CCDC178: variants seen among roughly 807,000 people sequenced by gnomAD.
CCDC178 encodes the protein coiled-coil domain containing 178, also known as coiled-coil domain-containing protein 178.
CCDC178 carries 126 observed loss-of-function variants against 117.4 expected under a neutral mutation model. That is an observed-to-expected ratio of 1.07 (90% CI 0.93 to 1.24). CCDC178 has a LOEUF of 1.24. Ranked by LOEUF, CCDC178 falls within the 50% of genes most tolerant of loss-of-function variation. The pLI, the probability that CCDC178 is intolerant of heterozygous loss-of-function variation, is 0.00. For synonymous variants in CCDC178, 283 were observed against 313.4 expected (o/e 0.90, Z 1.02); for missense variants, 1,030 against 986.9 (o/e 1.04, Z -0.59).
At chr18:33,389,264 C>T (rs1027891904) in intron 5 of CCDC178, among the ~76,000 whole-genome samples, 2 of 152,046 alleles carry the variant, frequency 1.3e-5, no homozygotes, top group African/African-American at 4.8e-5. Flanking sequence ...CTATCTAGAA[C>T]AGGCCAGTCA....
chr18:33,200,529 G>A (rs924456634), intron 20 of CCDC178, among the ~76,000 whole-genome samples: 1 of 152,108 alleles, frequency 6.6e-6, no homozygotes, highest in Non-Finnish European at 1.5e-5. Flanking sequence ...CCTCTATGTA[G>A]GACCTTTCTC....
At chr18:33,095,540 C>A (rs992633176) in intron 20 of CCDC178, among the ~76,000 whole-genome samples, 19 of 151,870 alleles carry the variant, frequency 1.3e-4, no homozygotes, top group African/African-American at 3.9e-4. Flanking sequence ...ATTTTGTTCG[C>A]CCTAAGAGAT....
intron 21 of CCDC178, among the ~76,000 whole-genome samples, chr18:33,054,440 G>C (rs565408842): frequency 5.9e-5 from 9 of 152,176 alleles, no homozygotes; most frequent in South Asian, 2.1e-4. Context: ...TACCCCAACA[G>C]GCTGCACTGT....
At chr18:33,415,096 G>A (rs888547461) in intron 2 of CCDC178, among the ~76,000 whole-genome samples, 7 of 152,242 alleles carry the variant, frequency 4.6e-5, no homozygotes, top group Admixed American at 3.9e-4. Flanking sequence ...CTTTTACACT[G>A]TTGGTGGGAC....
intron 6 of CCDC178, among the ~76,000 whole-genome samples, chr18:33,362,336 A>G (rs2063141847): frequency 6.6e-6 from 1 of 151,824 alleles, no homozygotes; most frequent in African/African-American, 2.4e-5. Context: ...TACATGTGGA[A>G]TATATTTTTT....
chr18:33,091,512 T>A (rs1174047466), intron 21 of CCDC178, among the ~76,000 whole-genome samples: 2 of 151,790 alleles, frequency 1.3e-5, no homozygotes, highest in Non-Finnish European at 2.9e-5. Flanking sequence ...AATTTTTGTA[T>A]TTTTAGTGGA....
intron 5 of CCDC178, among the ~76,000 whole-genome samples, 157 bp from the exon 6 acceptor site, chr18:33,370,346 C>G (rs753625672): frequency 1.2e-4 from 18 of 151,960 alleles, no homozygotes; most frequent in Non-Finnish European, 2.5e-4. Context: ...TAGAACAAAT[C>G]TTTAAAAAAC....
At chr18:33,242,869 G>A (rs1266856850) in intron 15 of CCDC178, among the ~76,000 whole-genome samples, 1 of 151,780 alleles carries the variant, frequency 6.6e-6, no homozygotes, top group Non-Finnish European at 1.5e-5. Flanking sequence ...ACTGCAAATA[G>A]GAGTACTGTA....
At chr18:33,323,977 C>T (rs1468672074) in intron 10 of CCDC178, among the ~76,000 whole-genome samples, 2 of 151,778 alleles carry the variant, frequency 1.3e-5, no homozygotes, top group Admixed American at 1.3e-4. Flanking sequence ...ACCTGTACTC[C>T]TCTCCACTAA....
At chr18:33,148,214 G>T (rs552872132) in intron 20 of CCDC178, among the ~76,000 whole-genome samples, 58 of 152,336 alleles carry the variant, frequency 3.8e-4, no homozygotes, top group Non-Finnish European at 7.5e-4. Flanking sequence ...TCGCGGTTAG[G>T]AGCTGGAGAC....
Position 33,063,385 on chromosome 18 carries a change from G to T in CCDC178, c.2388+29376C>A, listed in dbSNP as rs565726123. 2.0e-5 allele frequency among the ~76,000 whole-genome samples: 3 copies of T among 152,258 alleles called. No homozygotes were observed. The South Asian group carries it at 6.2e-4, about 32-fold the overall frequency. On this transcript the variant is annotated intron_variant, in intron 21 of 22. Coordinates refer to ENST00000383096, the MANE Select transcript of CCDC178 (RefSeq NM_001105528.4). ...CAAGCTCTCCCAGACTGCTGCCACT[G>T]CCCATAAACTCTGTTCAGGGGCCTG...
At chr18:33,234,449 T>C (rs2059404158) in intron 15 of CCDC178, among the ~76,000 whole-genome samples, 1 of 152,148 alleles carries the variant, frequency 6.6e-6, no homozygotes, top group East Asian at 1.9e-4. Flanking sequence ...CAGATCAAAG[T>C]TATAAATATG....
intron 21 of CCDC178, among the ~76,000 whole-genome samples, chr18:33,049,996 G>A (rs1463477648): frequency 1.3e-5 from 2 of 152,028 alleles, no homozygotes; most frequent in African/African-American, 4.8e-5. Flanking sequence ...CAGGAGAATC[G>A]CTTGAACCCG....
chr18:33,035,203 C>G (rs1027111415), intron 21 of CCDC178, among the ~76,000 whole-genome samples: 1 of 151,712 alleles, frequency 6.6e-6, no homozygotes, highest in African/African-American at 2.4e-5. Flanking sequence ...TCTGGTTTGA[C>G]AAGAGGGTAG....
chr18:33,415,343 C>T (rs1256248170), intron 2 of CCDC178, among the ~76,000 whole-genome samples: 5 of 152,112 alleles, frequency 3.3e-5, no homozygotes, highest in African/African-American at 1.2e-4. Context: ...AAATGTGGCA[C>T]ATATACACTA....
intron 5 of CCDC178, among the ~76,000 whole-genome samples, chr18:33,383,919 C>T (rs2063466261): frequency 6.6e-6 from 1 of 151,998 alleles, no homozygotes; most frequent in Non-Finnish European, 1.5e-5. Flanking sequence ...TTTCGCTGAG[C>T]TAAAGGATTA....
intron 11 of CCDC178, among the ~76,000 whole-genome samples, chr18:33,299,043 C>A (rs564147400): frequency 6.6e-6 from 1 of 152,076 alleles, no homozygotes; most frequent in Non-Finnish European, 1.5e-5. Flanking sequence ...CCATACTACC[C>A]AAAGCAACCT....
At position 33,129,646 on chromosome 18, in the gene CCDC178, C is replaced by CA. The variant is rs1165811385; in HGVS notation, c.2239-36737dup. Among the ~76,000 whole-genome samples, 178 of 146,530 alleles carry CA rather than the reference C, an allele frequency of 1.2e-3. 1 individual carries two copies. The highest frequency in any genetic ancestry group is 3.8e-3 in the African/African-American group (153 of 40,178). ...AAAATTCCATATAATAATGTTCCAG[C>CA]AAAAAAAAAATAGTAAAGAATTTGG... On this transcript the variant is annotated intron_variant, in intron 20 of 22. Transcript: ENST00000383096.
At chr18:33,056,406 T>C (rs2056830446) in intron 21 of CCDC178, among the ~76,000 whole-genome samples, 1 of 152,202 alleles carries the variant, frequency 6.6e-6, no homozygotes, top group Non-Finnish European at 1.5e-5. Context: ...GAACTGGAGT[T>C]GGCAAATTAT....
Sources: allele counts gnomAD v4.1 joint callset (sites outside exome capture counted in the v4.1 genomes callset), GRCh38; gene constraint gnomAD v4.1.1; transcripts MANE v1.5; gene names NCBI Gene and HGNC (gene_info 2026-07-23, HGNC 2026-07-21).